The following ZHX3 variants were observed in gnomAD, a reference collection of about 807,000 sequenced individuals.
The protein encoded by ZHX3 is zinc fingers and homeoboxes 3, also known as zinc fingers and homeoboxes protein 3.
A neutral mutation model predicts 64.5 loss-of-function variants in ZHX3; 20 were observed. The ratio of observed to expected loss-of-function variants is 0.31; its 90% CI spans 0.22 to 0.45. The LOEUF is 0.45. ZHX3 is among the 20% of genes least tolerant of loss of function. The pLI is 1.00. For synonymous variants in ZHX3, 423 were observed against 461.6 expected, an observed-to-expected ratio of 0.92 and a Z score of 1.07; for missense variants, 1,041 against 1,195.8, an observed-to-expected ratio of 0.87 and a Z score of 1.91.
At chr20:41,316,600 T>C (rs1379301002) in intron 1 of ZHX3, among the ~76,000 whole-genome samples, 1 of 152,220 alleles carries the variant, frequency 6.6e-6, no homozygotes, top group Non-Finnish European at 1.5e-5. Context: ...ATATATACTA[T>C]GTGTTCACAT....
chr20:41,268,646 A>G (rs1467738672), intron 2 of ZHX3, among the ~76,000 whole-genome samples: 1 of 152,184 alleles, frequency 6.6e-6, no homozygotes, highest in Non-Finnish European at 1.5e-5. Context: ...TCTGCACTCA[A>G]ACTAAAAGCT....
At chr20:41,311,393 T>C (rs558080587) in intron 1 of ZHX3, among the ~76,000 whole-genome samples, 61 of 152,348 alleles carry the variant, frequency 4.0e-4, no homozygotes, top group African/African-American at 1.4e-3. Context: ...GGCTTACAGC[T>C]AGAAAGTGGC....
intron 3 of ZHX3, among the ~76,000 whole-genome samples, chr20:41,193,317 C>T (rs1352679551): frequency 6.6e-6 from 1 of 152,148 alleles, no homozygotes; most frequent in African/African-American, 2.4e-5. Flanking sequence ...TTTAGGTTAT[C>T]TTTAATGTTT....
chr20:41,220,345 G>A (rs1801048464), intron 2 of ZHX3, among the ~76,000 whole-genome samples: 1 of 152,200 alleles, frequency 6.6e-6, no homozygotes. Flanking sequence ...GTAGAGGGAG[G>A]AGAAAACATG....
At chr20:41,275,472 A>T (rs1178551088) in intron 1 of ZHX3, among the ~76,000 whole-genome samples, 1 of 152,198 alleles carries the variant, frequency 6.6e-6, no homozygotes, top group Non-Finnish European at 1.5e-5. Flanking sequence ...GGGGCCCAGA[A>T]GGTAACCAGG....
At position 41,180,235 on chromosome 20, in the gene ZHX3, A is replaced by T. The variant is rs986191175; in HGVS notation, c.*4956T>A. 1 of 152,748 alleles carries T rather than the reference A, an allele frequency of 6.5e-6. No homozygotes were observed. Among genetic ancestry groups the T allele is most frequent in the African/African-American group, 2.4e-5 (1 of 41,460 alleles). The allele number at this position is 152,748 out of a possible 1,614,324, so 9.5% of individuals were successfully genotyped here. A position where few individuals can be genotyped will look rare whatever the true frequency, so the allele number is the denominator to read the frequency against. On this transcript the variant is annotated 3_prime_UTR_variant, in exon 4 of 4. Transcript: ENST00000683867. Reference sequence around the variant, plus strand: ...GCTGCCAGAGCAGCCACGAAAGCCAAATTCTCAGGGCTGTGGAAGCTTTGG... The same window carrying T: ...GCTGCCAGAGCAGCCACGAAAGCCATATTCTCAGGGCTGTGGAAGCTTTGG...
chr20:41,235,955 C>T (rs896860692), intron 2 of ZHX3, among the ~76,000 whole-genome samples: 1 of 152,178 alleles, frequency 6.6e-6, no homozygotes. Flanking sequence ...GCAAAAATCA[C>T]AAGCATTCCG....
In ZHX3 at chr20:41,313,487, T is replaced by C. The variant is rs913290172; in HGVS notation, c.-245+4022A>G. ...AAAAATCACGTTGATAATTTAAAAC[T>C]GAACATGGTAACACAGCCCACACAA... On this transcript the variant is annotated intron_variant, in intron 1 of 3. Coordinates refer to ENST00000683867, the MANE Select transcript of ZHX3 (RefSeq NM_001384317.1). Among the ~76,000 whole-genome samples the C allele has an allele frequency of 7.2e-5, 11 of 151,754 alleles. No individual in the cohort carries two copies. In the East Asian group the frequency reaches 1.9e-3, roughly 27 times the overall value.
intron 2 of ZHX3, among the ~76,000 whole-genome samples, chr20:41,243,342 A>G (rs2041502480): frequency 6.6e-6 from 1 of 152,178 alleles, no homozygotes; most frequent in Non-Finnish European, 1.5e-5. Context: ...TATCAAGGTA[A>G]TAAGAAACAG....
chr20:41,246,334 TGTTA>T (rs2041685563), intron 2 of ZHX3, among the ~76,000 whole-genome samples: 1 of 152,246 alleles, frequency 6.6e-6, no homozygotes, highest in South Asian at 2.1e-4. Context: ...AGCCATAGTC[TGTTA>T]TTCTAATGTG....
intron 3 of ZHX3, among the ~76,000 whole-genome samples, chr20:41,197,544 C>T (rs1257536720): frequency 6.6e-6 from 1 of 151,476 alleles, no homozygotes; most frequent in African/African-American, 2.4e-5. Flanking sequence ...TTACTTTCAA[C>T]CTCCTTGTGT....
intron 2 of ZHX3, among the ~76,000 whole-genome samples, chr20:41,252,814 T>C (rs1222609288): frequency 6.6e-6 from 1 of 152,170 alleles, no homozygotes; most frequent in Non-Finnish European, 1.5e-5. Flanking sequence ...AATGTTATCT[T>C]TTCTCTTCCT....
At chr20:41,196,501 AT>A (rs2037655226) in intron 3 of ZHX3, 1 of 79,276 alleles carries the variant, frequency 1.3e-5, no homozygotes, top group East Asian at 3.2e-4. Flanking sequence ...TATATTATAT[AT>A]TATAAATATA....
At chr20:41,313,874 G>A (rs1273770748) in intron 1 of ZHX3, among the ~76,000 whole-genome samples, 1 of 152,136 alleles carries the variant, frequency 6.6e-6, no homozygotes, top group East Asian at 1.9e-4. Context: ...GGGATTACAG[G>A]CATGAGCCAC....
At chr20:41,280,236 C>T (rs1048067210) in intron 1 of ZHX3, among the ~76,000 whole-genome samples, 8 of 152,146 alleles carry the variant, frequency 5.3e-5, no homozygotes, top group Non-Finnish European at 1.2e-4. Context: ...AGTTACCACT[C>T]GGATCACACA....
At chr20:41,197,048 A>T (rs2037775892) in intron 3 of ZHX3, 1 of 212,004 alleles carries the variant, frequency 4.7e-6, no homozygotes, top group Non-Finnish European at 9.9e-6. Context: ...TATGACACTG[A>T]TGTGGTCAAA....
chr20:41,306,886 G>A (rs1029431218), intron 1 of ZHX3, among the ~76,000 whole-genome samples: 15 of 152,190 alleles, frequency 9.9e-5, no homozygotes, highest in Non-Finnish European at 1.8e-4. Context: ...GGGGTCAAGT[G>A]GAAGAGCCTT....
intron 3 of ZHX3, among the ~76,000 whole-genome samples, chr20:41,197,843 G>C (rs2037871982): frequency 6.6e-6 from 1 of 152,002 alleles, no homozygotes; most frequent in Non-Finnish European, 1.5e-5. Context: ...TATTTAGACA[G>C]ATTACATCTT....
chr20:41,231,750 T>G (rs2040619500), intron 2 of ZHX3, among the ~76,000 whole-genome samples: 1 of 152,174 alleles, frequency 6.6e-6, no homozygotes, highest in Non-Finnish European at 1.5e-5. Flanking sequence ...AGAGATAACA[T>G]ATTCACTTAG....
Sources: allele counts gnomAD v4.1 joint callset (sites outside exome capture counted in the v4.1 genomes callset), GRCh38; gene constraint gnomAD v4.1.1; transcripts MANE v1.5; gene names NCBI Gene and HGNC (gene_info 2026-07-23, HGNC 2026-07-21).